The following PTGIS variants were observed in gnomAD, a reference collection of about 807,000 sequenced individuals.
PTGIS encodes prostaglandin I2 synthase, also known as prostacyclin synthase.
In PTGIS, 45 loss-of-function variants were observed where a neutral mutation model predicts 50.3. That is an observed-to-expected ratio of 0.90 (90% CI 0.70 to 1.15). The LOEUF (loss-of-function observed/expected upper bound fraction) is 1.15. Ranked by LOEUF, PTGIS falls within the 50% of genes most tolerant of loss-of-function variation. The pLI, the probability that PTGIS is intolerant of heterozygous loss-of-function variation, is 0.00. For synonymous variants in PTGIS, 260 were observed against 267.7 expected (o/e 0.97, Z 0.28); for missense variants, 668 against 661.3 (o/e 1.01, Z -0.11).
chr20:49,551,636 G>A (rs1336024960), intron 1 of PTGIS, among the ~76,000 whole-genome samples: 1 of 152,128 alleles, frequency 6.6e-6, no homozygotes, highest in Non-Finnish European at 1.5e-5. Flanking sequence ...CATGTCATCA[G>A]GATCTCCTGA....
At chr20:49,511,775 G>T (rs549543093) in intron 8 of PTGIS, among the ~76,000 whole-genome samples, 4 of 152,320 alleles carry the variant, frequency 2.6e-5, no homozygotes, top group African/African-American at 9.6e-5. Context: ...TGGGTGGAAG[G>T]ATAGGTGAAT....
intron 5 of PTGIS, among the ~76,000 whole-genome samples, chr20:49,537,989 C>T (rs543298942): frequency 9.9e-5 from 15 of 152,228 alleles, no homozygotes; most frequent in Admixed American, 2.0e-4. Flanking sequence ...CACAGTGGCT[C>T]ACGTCTGTAA....
Position 49,547,849 on chromosome 20 carries a change from C to A in PTGIS, c.369G>T (p.Arg123Ser), listed in dbSNP as rs1271478047. 1 of 1,614,136 alleles carries A rather than the reference C, an allele frequency of 6.2e-7. No homozygotes were observed. Among genetic ancestry groups the A allele is most frequent in the Non-Finnish European group, 8.5e-7 (1 of 1,180,018 alleles). The change falls in exon 3 of 10, where the codon AGG (arginine) becomes AGT (serine). Residue 123 changes from arginine to serine, a missense_variant. Transcript: ENST00000244043. Reference sequence around the variant, plus strand: ...CATCTCCAGCCACTCACAGTTTCATCCTGGCCTTTTCATCACTGGGGCTGT... The same window carrying A: ...CATCTCCAGCCACTCACAGTTTCATACTGGCCTTTTCATCACTGGGGCTGT... The part of the protein sequence containing the change: ...PHYSPSDEKA[R>S]MKLTLLHREL...
rs562661996 is a variant in PTGIS, at chr20:49,525,052, C to T, written c.674-813G>A. 5.1e-4 allele frequency among the ~76,000 whole-genome samples: 78 copies of T among 152,338 alleles called. No homozygotes were observed. The Middle Eastern group carries it at 0.024, about 47-fold the overall frequency. On this transcript the variant is annotated intron_variant, in intron 5 of 9. Transcript: ENST00000244043. ...CCAGCCCATGTGCATGAGGAGGAGGCCACTGTGAGCAGGCTCAGCACAGCA... is the reference window on the plus strand; with the variant it reads ...CCAGCCCATGTGCATGAGGAGGAGGTCACTGTGAGCAGGCTCAGCACAGCA...
chr20:49,562,467 C>T (rs1982800862), intron 1 of PTGIS, among the ~76,000 whole-genome samples: 1 of 152,266 alleles, frequency 6.6e-6, no homozygotes, highest in Non-Finnish European at 1.5e-5. Context: ...GGCCCTCAAT[C>T]CAACTCAGGC....
intron 6 of PTGIS, among the ~76,000 whole-genome samples, chr20:49,516,601 G>C (rs1259209146): frequency 1.3e-5 from 2 of 152,172 alleles, no homozygotes; most frequent in African/African-American, 4.8e-5. Flanking sequence ...AACCACAGAA[G>C]AAAAACCTAT....
chr20:49,512,213 G>T (rs1271876088), intron 8 of PTGIS, among the ~76,000 whole-genome samples: 1 of 150,940 alleles, frequency 6.6e-6, no homozygotes, highest in African/African-American at 2.4e-5. Context: ...AGATGGGTGA[G>T]TATGTGGATG....
intron 6 of PTGIS, among the ~76,000 whole-genome samples, chr20:49,520,838 C>CA (rs1005792254): frequency 2.6e-5 from 4 of 151,528 alleles, no homozygotes; most frequent in South Asian, 2.1e-4. Context: ...AGCTTTTCTA[C>CA]AAAAAAAATA....
chr20:49,519,741 G>A (rs1238579869), intron 6 of PTGIS, among the ~76,000 whole-genome samples: 2 of 151,766 alleles, frequency 1.3e-5, no homozygotes, highest in Non-Finnish European at 2.9e-5. Flanking sequence ...TCCTCCTCCC[G>A]CCATCTCCCT....
chr20:49,547,987 G>A lies in PTGIS; in HGVS notation c.231C>T (p.Leu77=), dbSNP rs1982408954. The change falls in exon 3 of 10, where the codon CTC becomes CTT. Residue 77 remains leucine, a synonymous_variant. Coordinates refer to ENST00000244043, the MANE Select transcript of PTGIS (RefSeq NM_000961.4). ...CCGCGTCGTAGGAGTGTGGGTCCAG[G>A]AGAACGGTGACATACCTGCCCCCAA... ...ILVGGRYVTV[L]LDPHSYDAVV... is the part of the protein sequence containing the mutation. 6.2e-6 allele frequency: 10 copies of A among 1,614,086 alleles called. No individual in the cohort carries two copies. Among genetic ancestry groups the A allele is most frequent in the Non-Finnish European group, 7.6e-6 (9 of 1,180,010 alleles).
chr20:49,561,279 G>T (rs1393048431), intron 1 of PTGIS, among the ~76,000 whole-genome samples: 2 of 152,188 alleles, frequency 1.3e-5, no homozygotes, highest in African/African-American at 2.4e-5. Flanking sequence ...GAGGGCCAAG[G>T]CTGGGAAGGA....
At chr20:49,553,999 T>A (rs150981370) in intron 1 of PTGIS, among the ~76,000 whole-genome samples, 4 of 152,278 alleles carry the variant, frequency 2.6e-5, no homozygotes, top group African/African-American at 9.6e-5. Flanking sequence ...TTTCTAGAGA[T>A]TGGGTTTTGA....
intron 6 of PTGIS, among the ~76,000 whole-genome samples, chr20:49,520,336 C>CT (rs57853650): frequency 0.18 from 27,018 of 146,220 alleles, 2,480 homozygotes; most frequent in South Asian, 0.21. Context: ...CCCTCTAATA[C>CT]TTTTTTTTTT....
chr20:49,567,933 T>C, intron 1 of PTGIS, 110 bp downstream of exon 1: 2 of 1,065,960 alleles, frequency 1.9e-6, no homozygotes, highest in Non-Finnish European at 1.2e-6. Context: ...CCCGGGATAC[T>C]GGAGCGGGAC....
chr20:49,513,103 G>A lies in PTGIS; in HGVS notation c.1183C>T (p.Pro395Ser), dbSNP rs1436838595. Residue 395 changes from proline (P) to serine (S), a missense_variant, in exon 8 of 10, where the codon CCA becomes TCA. Coordinates refer to ENST00000244043, the MANE Select transcript of PTGIS (RefSeq NM_000961.4). ...LFPFLSPQRDPEIYTDPEVFK... is the reference protein window; with the variant it reads ...LFPFLSPQRDSEIYTDPEVFK... ...ACCTCTGGGTCTGTGTAGATTTCTGGGTCTCTCTGGGGGCTCAGGAAGGGG... is the reference window on the plus strand; with the variant it reads ...ACCTCTGGGTCTGTGTAGATTTCTGAGTCTCTCTGGGGGCTCAGGAAGGGG... 2.2e-5 allele frequency: 36 copies of A among 1,606,628 alleles called. No homozygotes were observed. Among genetic ancestry groups the A allele is most frequent in the Non-Finnish European group, 3.0e-5 (35 of 1,176,830 alleles).
intron 1 of PTGIS, among the ~76,000 whole-genome samples, chr20:49,566,871 G>A (rs1259319099): frequency 6.6e-6 from 1 of 152,228 alleles, no homozygotes; most frequent in Non-Finnish European, 1.5e-5. Context: ...TTGAAGTTTA[G>A]TTAAGAGTAA....
intron 6 of PTGIS, among the ~76,000 whole-genome samples, chr20:49,521,253 A>G (rs534663496): frequency 6.6e-6 from 1 of 152,288 alleles, no homozygotes. Flanking sequence ...AGGTTAAGTG[A>G]CTGACTTGCC....
rs1982188340 is a variant in PTGIS at position 49,540,156 on chromosome 20, G to C, written c.522-435C>G. On this transcript the variant is annotated intron_variant, in intron 4 of 9. Coordinates refer to ENST00000244043, the MANE Select transcript of PTGIS (RefSeq NM_000961.4). This position sits in a 1 kb window ranked among gnomAD's most constrained non-coding sequence, Gnocchi z 4.8. ...AGCAAGCACCAGGTGTGATGTCCTGGGGCAGGAGGGAGCCCGGTGCTGGGG... is the reference window on the plus strand; with the variant it reads ...AGCAAGCACCAGGTGTGATGTCCTGCGGCAGGAGGGAGCCCGGTGCTGGGG... Among the ~76,000 whole-genome samples, 1 of 152,112 alleles carries C rather than the reference G, an allele frequency of 6.6e-6. No individual in the cohort carries two copies. Among genetic ancestry groups the C allele is most frequent in the African/African-American group, 2.4e-5 (1 of 41,406 alleles).
chr20:49,511,154 T>C lies in PTGIS; in HGVS notation c.1232A>G (p.Asn411Ser). 1 of 1,614,188 alleles carries C rather than the reference T, an allele frequency of 6.2e-7. No individual in the cohort carries two copies. The highest frequency in any genetic ancestry group is 8.5e-7 in the Non-Finnish European group (1 of 1,180,042). Residue 411 changes from asparagine to serine, a missense_variant, in exon 9 of 10, where the codon AAC becomes AGC. Transcript: ENST00000244043. ...GTCTTTCTTCTCTGATCCGTCAGGG[T>C]TCAGGAATCGGTTGTATTTAAATAC... ...PEVFKYNRFLNPDGSEKKDFY... is the reference protein window; with the variant it reads ...PEVFKYNRFLSPDGSEKKDFY...
Sources: gnomAD v4.1 joint callset for allele counts (sites outside exome capture counted in the v4.1 genomes callset) on GRCh38, gnomAD v4.1.1 for gene constraint, Gnocchi (gnomAD v3.1) non-coding constraint, MANE v1.5 for transcripts, NCBI Gene and HGNC (gene_info 2026-07-23, HGNC 2026-07-21) for gene names.